Variants in RALGAPA2 observed in about 807,000 individuals in gnomAD.
RALGAPA2 encodes the protein Ral GTPase activating protein catalytic subunit alpha 2, also known as ral GTPase-activating protein subunit alpha-2.
In RALGAPA2, 139 loss-of-function variants were observed where a neutral mutation model predicts 230.4. The ratio of observed to expected loss-of-function variants is 0.60; its 90% CI spans 0.53 to 0.69. The LOEUF is 0.69. Among genes scored for constraint, RALGAPA2 ranks in the 30% least tolerant of loss-of-function variants. The probability of loss-of-function intolerance (pLI) is 0.00; values close to 1 mark genes in which losing one functional copy is unlikely to be tolerated. For synonymous variants in RALGAPA2, 847 were observed against 837.8 expected (o/e 1.01, Z -0.19); for missense variants, 2,163 against 2,276.0 (o/e 0.95, Z 1.01).
intron 36 of RALGAPA2, among the ~76,000 whole-genome samples, chr20:20,476,853 G>A (rs2061663872): frequency 6.6e-6 from 1 of 152,042 alleles, no homozygotes; most frequent in African/African-American, 2.4e-5. Context: ...TTAAAAGTTT[G>A]TGTTATATTC....
At position 20,615,733 on chromosome 20, in the gene RALGAPA2, C is replaced by G. The variant is rs186164249; in HGVS notation, c.1688+310G>C. Among the ~76,000 whole-genome samples the G allele has an allele frequency of 2.6e-3, 389 of 152,264 alleles. 1 individual carries two copies. The highest frequency in any genetic ancestry group is 3.9e-3 in the Non-Finnish European group (263 of 68,028). On this transcript the variant is annotated intron_variant, in intron 13 of 39. Coordinates refer to ENST00000202677, the MANE Select transcript of RALGAPA2 (RefSeq NM_020343.4). ...AGGGCAATTAACAAACTCTCCTGAGCTTATGGTGAGTATTATAAAACACCA... is the reference window on the plus strand; with the variant it reads ...AGGGCAATTAACAAACTCTCCTGAGGTTATGGTGAGTATTATAAAACACCA...
chr20:20,425,350 GC>G (rs1387053713), intron 37 of RALGAPA2, among the ~76,000 whole-genome samples: 1 of 152,188 alleles, frequency 6.6e-6, no homozygotes, highest in Non-Finnish European at 1.5e-5. Flanking sequence ...ATTTCTGAAA[GC>G]AATTTTGGGG....
chr20:20,618,025 A>G (rs753965302), intron 12 of RALGAPA2, among the ~76,000 whole-genome samples: 1 of 152,224 alleles, frequency 6.6e-6, no homozygotes, highest in Non-Finnish European at 1.5e-5. Flanking sequence ...GATATAAAAA[A>G]ATTTTTTTTC....
chr20:20,448,888 A>C (rs2123137802), intron 37 of RALGAPA2, among the ~76,000 whole-genome samples: 1 of 151,574 alleles, frequency 6.6e-6, no homozygotes, highest in African/African-American at 2.4e-5. Flanking sequence ...AAAAAAAAAA[A>C]GGTAAATCTG....
At chr20:20,402,748 C>T (rs1295052764) in intron 38 of RALGAPA2, among the ~76,000 whole-genome samples, 1 of 152,214 alleles carries the variant, frequency 6.6e-6, no homozygotes, top group Non-Finnish European at 1.5e-5. Context: ...TGTCCCCCAT[C>T]CCCACAGTGC....
At chr20:20,470,846 C>T (rs928825251) in intron 37 of RALGAPA2, 1 of 152,068 alleles carries the variant, frequency 6.6e-6, no homozygotes, top group Non-Finnish European at 1.5e-5. Flanking sequence ...CTTCTGCAGA[C>T]AGAAATTAAA....
chr20:20,560,447 T>A (rs951862483), intron 23 of RALGAPA2, among the ~76,000 whole-genome samples: 6 of 152,226 alleles, frequency 3.9e-5, no homozygotes, highest in African/African-American at 1.4e-4. Context: ...GTAAATAGCA[T>A]TAATAGCTGA....
At chr20:20,587,456 A>G in intron 18 of RALGAPA2, among the ~76,000 whole-genome samples, 1 of 152,178 alleles carries the variant, frequency 6.6e-6, no homozygotes, top group East Asian at 1.9e-4. Context: ...TGACACAAGT[A>G]GTTATCTATT....
intron 37 of RALGAPA2, among the ~76,000 whole-genome samples, chr20:20,447,335 A>G (rs1331143471): frequency 6.6e-6 from 1 of 152,256 alleles, no homozygotes; most frequent in African/African-American, 2.4e-5. Flanking sequence ...ATAAACAAAA[A>G]TAACATTCAC....
At chr20:20,451,586 T>G (rs948029588) in intron 37 of RALGAPA2, among the ~76,000 whole-genome samples, 1 of 152,208 alleles carries the variant, frequency 6.6e-6, no homozygotes, top group South Asian at 2.1e-4. Flanking sequence ...AATAAAATGT[T>G]CAGTAAAAGG....
intron 35 of RALGAPA2, among the ~76,000 whole-genome samples, chr20:20,497,257 C>T (rs6082022): frequency 0.033 from 4,963 of 152,250 alleles, 102 homozygotes; most frequent in South Asian, 0.06. Context: ...TTACAATACA[C>T]TCCTAAAATT....
intron 26 of RALGAPA2, among the ~76,000 whole-genome samples, chr20:20,534,553 CA>C (rs964337431): frequency 1.7e-3 from 228 of 137,612 alleles, no homozygotes; most frequent in Admixed American, 2.4e-3. Context: ...TCAGTACTGT[CA>C]AAAAAAAAAA....
At chr20:20,461,728 G>C (rs2061305944) in intron 37 of RALGAPA2, among the ~76,000 whole-genome samples, 1 of 152,172 alleles carries the variant, frequency 6.6e-6, no homozygotes, top group Non-Finnish European at 1.5e-5. Flanking sequence ...GGGAATTCTG[G>C]AACTCTGCTT....
chr20:20,534,251 T>A (rs1295533282), intron 26 of RALGAPA2, among the ~76,000 whole-genome samples: 1 of 152,084 alleles, frequency 6.6e-6, no homozygotes, highest in Non-Finnish European at 1.5e-5. Flanking sequence ...GAGACCATCC[T>A]GGCTAACACG....
At chr20:20,466,053 CAGAG>C (rs916458407) in intron 37 of RALGAPA2, among the ~76,000 whole-genome samples, 1 of 152,218 alleles carries the variant, frequency 6.6e-6, no homozygotes, top group African/African-American at 2.4e-5. Context: ...CTCACCAACT[CAGAG>C]AGACCAAATG....
intron 10 of RALGAPA2, among the ~76,000 whole-genome samples, chr20:20,620,904 A>T (rs1178062673): frequency 1.3e-5 from 2 of 152,198 alleles, no homozygotes; most frequent in Non-Finnish European, 2.9e-5. Flanking sequence ...ACACTTTGGG[A>T]GGCCAAGGCA....
At chr20:20,621,137 TCTCCAAAAAAAAAAAAAGGAAGA>T (rs2066308439) in intron 10 of RALGAPA2, among the ~76,000 whole-genome samples, 1 of 146,518 alleles carries the variant, frequency 6.8e-6, no homozygotes, top group African/African-American at 2.5e-5. Context: ...CCAGACTCAG[TCTCCAAAAAAAAAAAAAGGAAGA>T]ATGAAAAAAA....
chr20:20,524,443 T>A lies in RALGAPA2; in HGVS notation c.3863A>T (p.His1288Leu). The A allele has an allele frequency of 3.1e-6, 5 of 1,613,908 alleles. No individual in the cohort carries two copies. The highest frequency in any genetic ancestry group is 4.2e-6 in the Non-Finnish European group (5 of 1,179,844). The change falls in exon 30 of 40, where the codon CAT (histidine) becomes CTT (leucine). Residue 1288 changes from histidine (H) to leucine (L), a missense_variant. Coordinates refer to ENST00000202677, the MANE Select transcript of RALGAPA2 (RefSeq NM_020343.4). ...ATCCAGCAAGGGGGCTCTGGCCGAA[T>A]GCTGCTCCTCTAGGACTGCTGTGGA... The part of the protein sequence containing the change: ...PVSTAVLEEQ[H>L]SARAPLLDYI...
At chr20:20,675,077 A>G (rs1273168730) in intron 3 of RALGAPA2, among the ~76,000 whole-genome samples, 26 of 152,236 alleles carry the variant, frequency 1.7e-4, no homozygotes, top group Admixed American at 1.7e-3. Context: ...CAGTAGATAC[A>G]TATTTAAGTA....
Sources: allele counts gnomAD v4.1 joint callset (sites outside exome capture counted in the v4.1 genomes callset), GRCh38; gene constraint gnomAD v4.1.1; transcripts MANE v1.5; gene names NCBI Gene and HGNC (gene_info 2026-07-23, HGNC 2026-07-21).